The following ARHGEF28 variants were observed in gnomAD, a reference collection of about 807,000 sequenced individuals.
The protein encoded by ARHGEF28 is 190 kDa guanine nucleotide exchange factor.
Under a neutral mutation model 206.6 loss-of-function variants are expected in ARHGEF28, and 152 were observed. The observed-to-expected ratio is 0.74, with a 90% CI of 0.64 to 0.84. The LOEUF is 0.84. ARHGEF28 is among the 40% of genes least tolerant of loss of function. ARHGEF28 has a pLI of 0.00. For missense variants in ARHGEF28, 2,028 were observed against 2,073.2 expected, an observed-to-expected ratio of 0.98 and a Z score of 0.42; for synonymous variants, 763 against 776.4, an observed-to-expected ratio of 0.98 and a Z score of 0.29.
chr5:73,676,916 A>G (rs1033484090), intron 1 of ARHGEF28, among the ~76,000 whole-genome samples: 3 of 152,242 alleles, frequency 2.0e-5, no homozygotes, highest in African/African-American at 7.2e-5. Flanking sequence ...ATCGAACGAT[A>G]GCTTCATATA....
At chr5:73,636,169 A>C (rs1743703864) in intron 1 of ARHGEF28, among the ~76,000 whole-genome samples, 1 of 152,190 alleles carries the variant, frequency 6.6e-6, no homozygotes, top group Non-Finnish European at 1.5e-5. Flanking sequence ...TTTAGTGTTA[A>C]TAAAAAGGTG....
intron 1 of ARHGEF28, among the ~76,000 whole-genome samples, chr5:73,666,893 C>A (rs1745990014): frequency 6.6e-6 from 1 of 152,146 alleles, no homozygotes; most frequent in South Asian, 2.1e-4. Context: ...CATGTCCCTT[C>A]AAGGGTCCCA....
chr5:73,846,125 A>G lies in ARHGEF28; in HGVS notation c.1428-143A>G, dbSNP rs1021776988. ...ATTTGGAGGGAGGAGAAAAAGGCTA[A>G]TTAAATACTAGTTGGAAATTAAATG... On this transcript the variant is annotated intron_variant, in intron 11 of 35. Transcript: ENST00000513042. The G allele has an allele frequency of 4.1e-6, 3 of 723,880 alleles. No individual in the cohort carries two copies. The African/African-American group carries it at 5.4e-5, about 13-fold the overall frequency. The allele number at this position is 723,880 out of a possible 1,614,324, so 44.8% of individuals were successfully genotyped here. A position where few individuals can be genotyped will look rare whatever the true frequency, so the allele number is the denominator to read the frequency against.
At chr5:73,818,329 GA>G (rs1756357539) in intron 9 of ARHGEF28, among the ~76,000 whole-genome samples, 1 of 152,108 alleles carries the variant, frequency 6.6e-6, no homozygotes, top group Non-Finnish European at 1.5e-5. Flanking sequence ...TGGCATTTTA[GA>G]AATGTTAATG....
intron 2 of ARHGEF28, among the ~76,000 whole-genome samples, chr5:73,685,349 G>A (rs1476519576): frequency 6.6e-6 from 1 of 152,144 alleles, no homozygotes. Context: ...AAGGAGATTT[G>A]TACTTAGATG....
At chr5:73,831,750 G>T (rs1757313308) in intron 9 of ARHGEF28, among the ~76,000 whole-genome samples, 1 of 152,266 alleles carries the variant, frequency 6.6e-6, no homozygotes, top group South Asian at 2.1e-4. Context: ...GGAGTGCAAT[G>T]GCACGGTCTC....
intron 35 of ARHGEF28, among the ~76,000 whole-genome samples, chr5:73,932,796 A>ATTT (rs1764196192): frequency 1.3e-4 from 8 of 59,758 alleles, no homozygotes; most frequent in African/African-American, 4.2e-4. Context: ...TTTATTTCCT[A>ATTT]TTTCTTTTTT....
chr5:73,808,049 A>G (rs1317961267), intron 9 of ARHGEF28, among the ~76,000 whole-genome samples: 3 of 152,150 alleles, frequency 2.0e-5, no homozygotes, highest in Non-Finnish European at 4.4e-5. Flanking sequence ...CTGCAGGTGC[A>G]CATAAATGTT....
At chr5:73,686,537 G>A (rs1207750977) in intron 2 of ARHGEF28, among the ~76,000 whole-genome samples, 8 of 133,226 alleles carry the variant, frequency 6.0e-5, no homozygotes, top group African/African-American at 1.7e-4. Flanking sequence ...TTTTTTTTTC[G>A]AGACGGAGTC....
intron 1 of ARHGEF28, among the ~76,000 whole-genome samples, chr5:73,630,729 C>G (rs558296868): frequency 8.0e-4 from 122 of 152,242 alleles, no homozygotes; most frequent in Non-Finnish European, 1.5e-3. Flanking sequence ...GTTTCCTCAT[C>G]CAGTAAAATG....
At chr5:73,793,379 A>G (rs1278805161) in intron 7 of ARHGEF28, among the ~76,000 whole-genome samples, 2 of 152,174 alleles carry the variant, frequency 1.3e-5, no homozygotes, top group African/African-American at 4.8e-5. Flanking sequence ...ATGGATGATA[A>G]CTCCTAGCAT....
At chr5:73,834,643 C>A (rs968032165) in intron 10 of ARHGEF28, among the ~76,000 whole-genome samples, 1 of 151,596 alleles carries the variant, frequency 6.6e-6, no homozygotes, top group Non-Finnish European at 1.5e-5. Context: ...AATCCATATG[C>A]AAAGGTGATC....
intron 18 of ARHGEF28, among the ~76,000 whole-genome samples, chr5:73,866,278 C>A (rs1759701645): frequency 6.6e-6 from 1 of 152,160 alleles, no homozygotes; most frequent in African/African-American, 2.4e-5. Context: ...CGTGTTGCTT[C>A]AATTCTAAGA....
intron 7 of ARHGEF28, among the ~76,000 whole-genome samples, chr5:73,784,844 A>G (rs1358020293): frequency 2.0e-5 from 3 of 152,354 alleles, no homozygotes; most frequent in Middle Eastern, 6.8e-3. Flanking sequence ...ATATGCAAGT[A>G]TCACTACTCT....
In ARHGEF28 at chr5:73,777,189, C is replaced by A. The variant is rs1374224865; in HGVS notation, c.840+493C>A. 3.9e-5 allele frequency among the ~76,000 whole-genome samples: 6 copies of A among 152,180 alleles called. No homozygotes were observed. The East Asian group carries it at 1.2e-3, about 29-fold the overall frequency. On this transcript the variant is annotated intron_variant, in intron 6 of 35. Transcript: ENST00000513042. Reference sequence around the variant, plus strand: ...CCTTCCCATCATGGTCCAAACCCCACCTTTGGGTGCTATCATAGCATGCCA... The same window carrying A: ...CCTTCCCATCATGGTCCAAACCCCAACTTTGGGTGCTATCATAGCATGCCA...
intron 26 of ARHGEF28, among the ~76,000 whole-genome samples, chr5:73,888,490 C>A (rs534213222): frequency 4.6e-5 from 7 of 152,110 alleles, no homozygotes; most frequent in Non-Finnish European, 8.8e-5. Context: ...AGGTGGGGAC[C>A]ATTTTGTTTA....
chr5:73,847,421 A>G (rs1332779817), intron 12 of ARHGEF28, among the ~76,000 whole-genome samples: 4 of 152,196 alleles, frequency 2.6e-5, no homozygotes, highest in Admixed American at 6.5e-5. Context: ...TGATAGACTC[A>G]GAACTCAATT....
At chr5:73,888,820 T>C (rs1761455216) in intron 26 of ARHGEF28, among the ~76,000 whole-genome samples, 1 of 152,112 alleles carries the variant, frequency 6.6e-6, no homozygotes, top group Admixed American at 6.6e-5. Flanking sequence ...ACATTTACCA[T>C]TAAGTGAGGT....
intron 1 of ARHGEF28, among the ~76,000 whole-genome samples, chr5:73,652,830 T>G (rs1010266170): frequency 4.6e-5 from 7 of 152,184 alleles, no homozygotes; most frequent in Admixed American, 1.3e-4. Context: ...AGTGGTTGAG[T>G]GACCTCTCAG....
Sources: allele counts gnomAD v4.1 joint callset (sites outside exome capture counted in the v4.1 genomes callset), GRCh38; gene constraint gnomAD v4.1.1; transcripts MANE v1.5; gene names NCBI Gene and HGNC (gene_info 2026-07-23, HGNC 2026-07-21).